The following SLC35F3 variants were observed in gnomAD, a reference collection of about 807,000 sequenced individuals.
SLC35F3 encodes the protein solute carrier family 35 member F3, also known as putative thiamine transporter SLC35F3.
A neutral mutation model predicts 49.9 loss-of-function variants in SLC35F3; 25 were observed. The observed-to-expected ratio is 0.50, with a 90% CI of 0.37 to 0.70. SLC35F3 has a LOEUF of 0.70. Among genes scored for constraint, SLC35F3 ranks in the 30% least tolerant of loss-of-function variants. SLC35F3 has a pLI of 0.00. For synonymous variants in SLC35F3, 275 were observed against 265.4 expected, an observed-to-expected ratio of 1.04 and a Z score of -0.35; for missense variants, 525 against 639.8, an observed-to-expected ratio of 0.82 and a Z score of 1.94.
chr1:234,015,586 T>G (rs1265744476), intron 2 of SLC35F3, among the ~76,000 whole-genome samples: 4 of 152,062 alleles, frequency 2.6e-5, no homozygotes, highest in Non-Finnish European at 5.9e-5. Context: ...ATAAAGGGTG[T>G]TGGGAAAACT....
At chr1:234,248,534 C>T (rs567129385) in intron 3 of SLC35F3, among the ~76,000 whole-genome samples, 91 of 152,220 alleles carry the variant, frequency 6.0e-4, no homozygotes, top group African/African-American at 2.1e-3. Context: ...TTGGCTGGTG[C>T]ATTGTTTGGT....
At chr1:234,048,749 T>C (rs771056803) in intron 2 of SLC35F3, among the ~76,000 whole-genome samples, 3 of 151,010 alleles carry the variant, frequency 2.0e-5, no homozygotes, top group Admixed American at 6.6e-5. Flanking sequence ...CAATTTTCCA[T>C]TGGGTCCAGA....
In SLC35F3 at chr1:234,309,173, T is replaced by A. The variant is rs760691130; in HGVS notation, c.681T>A (p.Gly227=). Residue 227 remains glycine, a synonymous_variant, in exon 4 of 8, where the codon GGT becomes GGA. Coordinates refer to ENST00000366618, the MANE Select transcript of SLC35F3 (RefSeq NM_173508.4). ...TTTTTACCAAGGCAGCACCCTTTGG[T>A]GTTCTTTGGACACTCACAAACTACC... ...KVFFTKAAPF[G]VLWTLTNYLY... 4.3e-6 allele frequency: 7 copies of A among 1,614,094 alleles called. No homozygotes were observed. Among genetic ancestry groups the A allele is most frequent in the Non-Finnish European group, 8.5e-7 (1 of 1,180,054 alleles).
chr1:234,307,875 A>G (rs1657237997), intron 3 of SLC35F3, among the ~76,000 whole-genome samples: 1 of 152,240 alleles, frequency 6.6e-6, no homozygotes, highest in Non-Finnish European at 1.5e-5. Context: ...TCACTCCCCA[A>G]CAGTCAAGGA....
intron 2 of SLC35F3, among the ~76,000 whole-genome samples, chr1:234,228,555 C>T (rs1327676604): frequency 6.6e-6 from 1 of 152,204 alleles, no homozygotes; most frequent in East Asian, 1.9e-4. Context: ...GATTGAAAGG[C>T]TCTGAGGATG....
intron 2 of SLC35F3, among the ~76,000 whole-genome samples, chr1:234,183,380 A>AT (rs1269432991): frequency 2.1e-5 from 3 of 142,676 alleles, no homozygotes; most frequent in African/African-American, 4.9e-5. Flanking sequence ...TTTTTTTCTG[A>AT]TTTTTTTCTG....
At chr1:233,914,732 C>T (rs572442367) in intron 2 of SLC35F3, among the ~76,000 whole-genome samples, 1 of 152,264 alleles carries the variant, frequency 6.6e-6, no homozygotes, top group Admixed American at 6.5e-5. Context: ...ACTTACTTGT[C>T]CCACAGCAGG....
chr1:234,015,972 T>C (rs546371779), intron 2 of SLC35F3, among the ~76,000 whole-genome samples: 2 of 152,066 alleles, frequency 1.3e-5, no homozygotes, highest in East Asian at 3.9e-4. Context: ...ACAAATAAAT[T>C]AGAAATGGAC....
chr1:234,178,245 G>A (rs902396925), intron 2 of SLC35F3, among the ~76,000 whole-genome samples: 9 of 152,100 alleles, frequency 5.9e-5, no homozygotes, highest in South Asian at 4.2e-4. Context: ...ATAAAGTCCC[G>A]AGGCATAGGT....
intron 2 of SLC35F3, among the ~76,000 whole-genome samples, chr1:234,146,451 T>C (rs1051286822): frequency 6.7e-6 from 1 of 148,480 alleles, no homozygotes; most frequent in African/African-American, 2.5e-5. Flanking sequence ...CATTTTTTAA[T>C]CTAAAATAAA....
intron 2 of SLC35F3, among the ~76,000 whole-genome samples, chr1:233,978,417 G>C (rs996841937): frequency 6.6e-6 from 1 of 152,208 alleles, no homozygotes; most frequent in Non-Finnish European, 1.5e-5. Flanking sequence ...GTTCTCTTCT[G>C]CACAGACTTG....
At chr1:234,069,516 A>G (rs1224349302) in intron 2 of SLC35F3, among the ~76,000 whole-genome samples, 2 of 152,136 alleles carry the variant, frequency 1.3e-5, no homozygotes, top group South Asian at 4.2e-4. Flanking sequence ...CAGCCTCCCA[A>G]AGTACTGGGA....
intron 2 of SLC35F3, among the ~76,000 whole-genome samples, chr1:234,226,448 A>T (rs1371618060): frequency 6.6e-6 from 1 of 151,888 alleles, no homozygotes; most frequent in Non-Finnish European, 1.5e-5. Flanking sequence ...TAAAAGAAAC[A>T]TTATTGGTCT....
chr1:234,193,505 T>C (rs111276245), intron 2 of SLC35F3, among the ~76,000 whole-genome samples: 12,180 of 152,016 alleles, frequency 0.08, 1,349 homozygotes, highest in African/African-American at 0.25. Flanking sequence ...AAGATAACAT[T>C]AGAAAAACCC....
rs188004441 is a variant in SLC35F3 at position 233,926,721 on chromosome 1, T to C, written c.283+20963T>C. ...CTTTGAAGGAGAAGAGGTGCTCTGATTTTTAGAATTTTCAGCTTTTCTTCT... is the reference window on the plus strand; with the variant it reads ...CTTTGAAGGAGAAGAGGTGCTCTGACTTTTAGAATTTTCAGCTTTTCTTCT... On this transcript the variant is annotated intron_variant, in intron 2 of 7. Transcript: ENST00000366618. 1.7e-3 allele frequency among the ~76,000 whole-genome samples: 255 copies of C among 152,326 alleles called. 1 individual carries two copies. The Middle Eastern group carries it at 0.024, about 14-fold the overall frequency.
chr1:233,975,900 A>G (rs760198225), intron 2 of SLC35F3, among the ~76,000 whole-genome samples: 4 of 152,236 alleles, frequency 2.6e-5, no homozygotes, highest in Non-Finnish European at 5.9e-5. Flanking sequence ...ATGTGCTTCA[A>G]TAAATGACCC....
At chr1:234,205,458 C>A (rs1666955772) in intron 2 of SLC35F3, among the ~76,000 whole-genome samples, 1 of 152,212 alleles carries the variant, frequency 6.6e-6, no homozygotes, top group Non-Finnish European at 1.5e-5. Context: ...GAGACTCCGT[C>A]TCAAAGCAGA....
At chr1:233,953,554 T>A (rs1571994342) in intron 2 of SLC35F3, among the ~76,000 whole-genome samples, 1 of 152,198 alleles carries the variant, frequency 6.6e-6, no homozygotes, top group African/African-American at 2.4e-5. Context: ...CTTTGTCAAC[T>A]CTCCGTCATA....
intron 2 of SLC35F3, among the ~76,000 whole-genome samples, chr1:234,219,924 G>A (rs1392884876): frequency 1.3e-5 from 2 of 152,232 alleles, no homozygotes; most frequent in Non-Finnish European, 1.5e-5. Context: ...AGCCACAGAC[G>A]AAGGCGCAGA....
Sources: allele counts gnomAD v4.1 joint callset (sites outside exome capture counted in the v4.1 genomes callset), GRCh38; gene constraint gnomAD v4.1.1; transcripts MANE v1.5; gene names NCBI Gene and HGNC (gene_info 2026-07-23, HGNC 2026-07-21).